BTBD9: variants seen among roughly 807,000 people sequenced by gnomAD.
BTBD9 encodes BTB domain containing 9, also known as BTB/POZ domain-containing protein 9.
Under a neutral mutation model 64.3 loss-of-function variants are expected in BTBD9, and 49 were observed. The observed-to-expected ratio is 0.76, with a 90% CI of 0.61 to 0.97. The LOEUF (loss-of-function observed/expected upper bound fraction) is 0.97, where lower values mean the gene tolerates loss of function less well. Ranked by LOEUF, BTBD9 falls within the 50% of genes least tolerant of loss-of-function variation. The pLI is 0.00. For synonymous variants in BTBD9, 260 were observed against 274.7 expected (o/e 0.95, Z 0.53); for missense variants, 598 against 762.1 (o/e 0.78, Z 2.53).
chr6:38,482,028 G>C (rs1216833851), intron 6 of BTBD9: 2 of 152,150 alleles, frequency 1.3e-5, no homozygotes, highest in African/African-American at 4.8e-5. Flanking sequence ...AATGTTGAAG[G>C]GGAAAGTAAC....
chr6:38,499,546 C>T lies in BTBD9; in HGVS notation c.1154+78054G>A, dbSNP rs1163157814. Reference sequence around the variant, plus strand: ...CTTCTGTTTAAATTGCTTATTTATGCAATATATATTCTCTATCATCTCAAT... The same window carrying T: ...CTTCTGTTTAAATTGCTTATTTATGTAATATATATTCTCTATCATCTCAAT... On this transcript the variant is annotated intron_variant, in intron 6 of 10. Transcript: ENST00000481247. 2.0e-5 allele frequency among the ~76,000 whole-genome samples: 3 copies of T among 152,050 alleles called. No individual in the cohort carries two copies. In the East Asian group the frequency reaches 5.8e-4, roughly 29 times the overall value.
At chr6:38,355,702 G>A (rs1192395581) in intron 6 of BTBD9, among the ~76,000 whole-genome samples, 3 of 152,164 alleles carry the variant, frequency 2.0e-5, no homozygotes, top group African/African-American at 4.8e-5. Context: ...ACAAAACAAA[G>A]CTGGTTTCAC....
rs567196921 is a variant in BTBD9, at chr6:38,434,985, G to A, written c.1155-89892C>T. 4.0e-4 allele frequency among the ~76,000 whole-genome samples: 61 copies of A among 151,756 alleles called. 1 individual carries two copies. Among genetic ancestry groups the A allele is most frequent in the African/African-American group, 1.4e-3 (58 of 41,176 alleles). On this transcript the variant is annotated intron_variant, in intron 6 of 10. Coordinates refer to ENST00000481247, the MANE Select transcript of BTBD9 (RefSeq NM_001099272.2). ...CGAGGCAGGTGGATCACCTGAGGTC[G>A]GGAGTTCGAGACCAGCCTGACCAAC...
intron 6 of BTBD9, among the ~76,000 whole-genome samples, chr6:38,536,266 T>C (rs981509139): frequency 6.6e-6 from 1 of 152,080 alleles, no homozygotes; most frequent in African/African-American, 2.4e-5. Flanking sequence ...CATTCAAAAC[T>C]GAAATGAGGT....
At chr6:38,543,282 C>T (rs1393520328) in intron 6 of BTBD9, among the ~76,000 whole-genome samples, 2 of 152,202 alleles carry the variant, frequency 1.3e-5, no homozygotes, top group Non-Finnish European at 2.9e-5. Context: ...ACCCTCACCA[C>T]GTTCACTTTC....
chr6:38,345,946 G>A (rs147698956), intron 6 of BTBD9, among the ~76,000 whole-genome samples: 64 of 152,292 alleles, frequency 4.2e-4, no homozygotes, highest in African/African-American at 1.4e-3. Context: ...TCATTCTTCT[G>A]AGTGTCACAC....
intron 6 of BTBD9, chr6:38,403,038 C>A (rs1767005816): frequency 2.5e-5 from 7 of 275,062 alleles, no homozygotes; most frequent in Non-Finnish European, 4.9e-5. Flanking sequence ...GCACTCCAGC[C>A]TGGGTGATAG....
intron 9 of BTBD9, among the ~76,000 whole-genome samples, chr6:38,228,728 G>T (rs1763497465): frequency 1.3e-5 from 2 of 149,656 alleles, no homozygotes; most frequent in South Asian, 4.2e-4. Context: ...ACAAAAATTA[G>T]CCAGGCGTGG....
chr6:38,180,183 G>T (rs1761483807), intron 10 of BTBD9, among the ~76,000 whole-genome samples: 1 of 152,214 alleles, frequency 6.6e-6, no homozygotes, highest in Non-Finnish European at 1.5e-5. Flanking sequence ...AGATTTGCAC[G>T]CAATGCAAAT....
intron 6 of BTBD9, among the ~76,000 whole-genome samples, chr6:38,552,547 A>C (rs2127448762): frequency 6.6e-6 from 1 of 152,108 alleles, no homozygotes; most frequent in Admixed American, 6.5e-5. Flanking sequence ...TGGGAGGATC[A>C]CCTGACGTCA....
At chr6:38,459,124 T>C (rs1417571484) in intron 6 of BTBD9, among the ~76,000 whole-genome samples, 2 of 152,134 alleles carry the variant, frequency 1.3e-5, no homozygotes, top group African/African-American at 2.4e-5. Context: ...GTTCAAGCAA[T>C]TCTCCTGCCG....
intron 9 of BTBD9, among the ~76,000 whole-genome samples, chr6:38,254,471 C>CA (rs1278053798): frequency 4.6e-5 from 7 of 150,950 alleles, no homozygotes; most frequent in African/African-American, 1.5e-4. Context: ...AACAAACAAA[C>CA]AAACAAAAAA....
chr6:38,207,808 T>C (rs889599556), intron 9 of BTBD9, among the ~76,000 whole-genome samples: 5 of 152,126 alleles, frequency 3.3e-5, no homozygotes, highest in African/African-American at 4.8e-5. Flanking sequence ...AATATATTTT[T>C]TGGAATATAT....
At chr6:38,391,907 A>C (rs62397038) in intron 6 of BTBD9, among the ~76,000 whole-genome samples, 13,808 of 152,282 alleles carry the variant, frequency 0.091, 863 homozygotes, top group Non-Finnish European at 0.13. Context: ...AGAACTATTC[A>C]TCACTTGTGA....
intron 6 of BTBD9, among the ~76,000 whole-genome samples, chr6:38,487,218 T>C (rs753413736): frequency 6.6e-6 from 1 of 152,232 alleles, no homozygotes; most frequent in Non-Finnish European, 1.5e-5. Context: ...GTGCTTGTGG[T>C]TATCCATTAT....
At chr6:38,183,798 T>C (rs563434719) in intron 10 of BTBD9, among the ~76,000 whole-genome samples, 1 of 152,306 alleles carries the variant, frequency 6.6e-6, no homozygotes, top group East Asian at 1.9e-4. Context: ...CTTCAGTTAT[T>C]CCTTCATCTG....
intron 6 of BTBD9, among the ~76,000 whole-genome samples, chr6:38,407,569 T>C (rs1484915943): frequency 6.6e-6 from 1 of 152,158 alleles, no homozygotes; most frequent in Non-Finnish European, 1.5e-5. Context: ...ATTCTAGTCA[T>C]GCATTTAATA....
intron 2 of BTBD9, among the ~76,000 whole-genome samples, chr6:38,596,711 G>C (rs1229870011): frequency 6.6e-6 from 1 of 151,262 alleles, no homozygotes; most frequent in Admixed American, 6.6e-5. Flanking sequence ...TGAGGCAGGA[G>C]AATGGCGTGA....
intron 6 of BTBD9, among the ~76,000 whole-genome samples, chr6:38,473,559 GA>G (rs1320146598): frequency 1.3e-5 from 2 of 152,164 alleles, no homozygotes; most frequent in Non-Finnish European, 2.9e-5. Context: ...CTTATCGGTA[GA>G]ACCAATATGG....
Sources: gnomAD v4.1 joint callset for allele counts (sites outside exome capture counted in the v4.1 genomes callset) on GRCh38, gnomAD v4.1.1 for gene constraint, MANE v1.5 for transcripts, NCBI Gene and HGNC (gene_info 2026-07-23, HGNC 2026-07-21) for gene names.